CD33: variants seen among roughly 807,000 people sequenced by gnomAD.
CD33 encodes the protein myeloid cell surface antigen CD33.
Under a neutral mutation model 31.4 loss-of-function variants are expected in CD33, and 25 were observed. The observed-to-expected ratio is 0.80, with a 90% confidence interval of 0.58 to 1.11. CD33 has a LOEUF of 1.11. CD33 is among the 50% of genes most tolerant of loss of function. The pLI is 0.00. For missense variants in CD33, 407 were observed against 448.1 expected (o/e 0.91, Z 0.83); for synonymous variants, 176 against 180.6 (o/e 0.97, Z 0.20).
Position 51,225,168 on chromosome 19 carries a change from G to C in CD33, c.37+13G>C, listed in dbSNP as rs367818620. 2 of 1,613,798 alleles carry C rather than the reference G, an allele frequency of 1.2e-6. No homozygotes were observed. The highest frequency in any genetic ancestry group is 1.1e-5 in the South Asian group (1 of 91,070). On this transcript the variant is annotated intron_variant, in intron 1 of 6. Transcript: ENST00000262262. ...CTGCTGTGGGCAGGTGAGTGGCTGT[G>C]GGGAGAGGGGTTGTCGGGCTGGGCC... is the stretch of plus-strand genomic sequence containing the variant.
intron 6 of CD33, chr19:51,236,182 T>C (rs551889758): frequency 1.6e-5 from 5 of 321,606 alleles, no homozygotes; most frequent in South Asian, 1.5e-4. Context: ...AATAGTTTCT[T>C]ATTCACCGTT....
chr19:51,221,133 A>G (rs187472335), upstream of CD33, among the ~76,000 whole-genome samples: 3 of 152,354 alleles, frequency 2.0e-5, no homozygotes, highest in Admixed American at 6.5e-5. Flanking sequence ...TCAAAAAAAT[A>G]TAGTACTCAA....
At chr19:51,215,817 C>T in the CD33 span, among the ~76,000 whole-genome samples, 4 of 152,172 alleles carry the variant, frequency 2.6e-5, no homozygotes, top group East Asian at 1.9e-4. Context: ...CCCTTTTCTC[C>T]GTCCTGACCT....
At chr19:51,231,900 AG>A (rs1457847592) in intron 4 of CD33, among the ~76,000 whole-genome samples, 6 of 152,168 alleles carry the variant, frequency 3.9e-5, no homozygotes, top group African/African-American at 1.4e-4. Context: ...CTGGGACTAC[AG>A]GCATGTGCCA....
intron 4 of CD33, among the ~76,000 whole-genome samples, chr19:51,229,185 G>A (rs1361602399): frequency 2.0e-5 from 3 of 152,146 alleles, no homozygotes; most frequent in Non-Finnish European, 4.4e-5. Flanking sequence ...GTTGACATAT[G>A]TATAACATTT....
chr19:51,233,836 G>A (rs1981592477), intron 4 of CD33, among the ~76,000 whole-genome samples: 1 of 152,162 alleles, frequency 6.6e-6, no homozygotes, highest in Admixed American at 6.5e-5. Flanking sequence ...CAAAGCCCGG[G>A]TGCCTCCATG....
intron 4 of CD33, among the ~76,000 whole-genome samples, chr19:51,232,108 C>G (rs1374787556): frequency 6.6e-6 from 1 of 152,194 alleles, no homozygotes; most frequent in Non-Finnish European, 1.5e-5. Flanking sequence ...GATTAGAATT[C>G]CCTTAGTTTT....
upstream of CD33, among the ~76,000 whole-genome samples, chr19:51,220,856 A>AACTCATGTAACGCGTATTTG (rs1980657085): frequency 6.6e-6 from 1 of 151,930 alleles, no homozygotes; most frequent in Non-Finnish European, 1.5e-5. Context: ...ACGCGTATTT[A>AACTCATGTAACGCGTATTTG]TGGGAATGGG....
At chr19:51,222,324 A>G (rs1424557554), upstream of CD33, among the ~76,000 whole-genome samples, 2 of 152,194 alleles carry the variant, frequency 1.3e-5, no homozygotes, top group Admixed American at 1.3e-4. Flanking sequence ...ACCATTTTGG[A>G]CAACAGTTTG....
At chr19:51,223,258 G>A (rs1487776113), upstream of CD33, among the ~76,000 whole-genome samples, 4 of 151,956 alleles carry the variant, frequency 2.6e-5, no homozygotes, top group African/African-American at 7.3e-5. Flanking sequence ...TTTCTATTAC[G>A]TGCCACATGC....
At chr19:51,231,337 ACTTGT>A (rs2123252870) in intron 4 of CD33, among the ~76,000 whole-genome samples, 1 of 152,340 alleles carries the variant, frequency 6.6e-6, no homozygotes, top group Admixed American at 6.5e-5. Context: ...TGTACTATTA[ACTTGT>A]CTTGTCTCAT....
At chr19:51,238,043 C>T (rs1452840309) in intron 6 of CD33, 3 of 152,214 alleles carry the variant, frequency 2.0e-5, no homozygotes, top group Admixed American at 1.3e-4. Context: ...GGGCTCTGCT[C>T]GATAAGTGTC....
upstream of CD33, among the ~76,000 whole-genome samples, chr19:51,220,655 C>G (rs1980644591): frequency 6.6e-6 from 1 of 152,096 alleles, no homozygotes; most frequent in Non-Finnish European, 1.5e-5. Flanking sequence ...GTAAGAATAC[C>G]TATAAAGTAA....
chr19:51,238,112 CCATAGATGT>C (rs987640846), intron 6 of CD33: 1 of 152,134 alleles, frequency 6.6e-6, no homozygotes, highest in South Asian at 2.1e-4. Flanking sequence ...CAAGAAGACC[CCATAGATGT>C]CATAGATGTC....
intron 4 of CD33, among the ~76,000 whole-genome samples, chr19:51,231,601 A>AT (rs35977870): frequency 0.27 from 36,621 of 133,566 alleles, 5,525 homozygotes; most frequent in Admixed American, 0.43. Context: ...TGGTTGGCTG[A>AT]TGTTTTTTTT....
chr19:51,214,201 C>CTTTT, the CD33 span, among the ~76,000 whole-genome samples: 6 of 98,094 alleles, frequency 6.1e-5, no homozygotes, highest in African/African-American at 1.5e-4. Flanking sequence ...TCTTTTCTTT[C>CTTTT]TTTTTTTTTT....
At chr19:51,216,844 T>C in the CD33 span, among the ~76,000 whole-genome samples, 1 of 152,160 alleles carries the variant, frequency 6.6e-6, no homozygotes, top group East Asian at 1.9e-4. Context: ...GAGATTATAT[T>C]TGGGCTAACA....
rs529088289 is a variant in CD33, at chr19:51,232,434, A to G, written c.746-2723A>G. Among the ~76,000 whole-genome samples the G allele has an allele frequency of 4.6e-5, 7 of 152,220 alleles. No individual in the cohort carries two copies. In the East Asian group the frequency reaches 1.4e-3, roughly 29 times the overall value. On this transcript the variant is annotated intron_variant, in intron 4 of 6. Coordinates refer to ENST00000262262, the MANE Select transcript of CD33 (RefSeq NM_001772.4). ...AGTACTTTGAGCTTCCTGGACCTGG[A>G]TGTCCTTCTAGTTCCCAAGGCTTGG...
intron 6 of CD33, chr19:51,239,007 T>C (rs1365936233): frequency 1.3e-5 from 2 of 152,480 alleles, no homozygotes; most frequent in Admixed American, 6.5e-5. Context: ...TTCTACTCTC[T>C]CCTGTTCATC....
Sources: allele counts gnomAD v4.1 joint callset (sites outside exome capture counted in the v4.1 genomes callset), GRCh38; gene constraint gnomAD v4.1.1; transcripts MANE v1.5; gene names NCBI Gene and HGNC (gene_info 2026-07-23, HGNC 2026-07-21).